CNTN5: variants seen among roughly 807,000 people sequenced by gnomAD.
CNTN5 encodes contactin 5.
In CNTN5, 77 loss-of-function variants were observed where a neutral mutation model predicts 129.1. That is an observed-to-expected ratio of 0.60 (90% CI 0.50 to 0.72). CNTN5 has a LOEUF of 0.72. CNTN5 is among the 30% of genes least tolerant of loss of function. The pLI is 0.00. For synonymous variants in CNTN5, 509 were observed against 465.6 expected (o/e 1.09, Z -1.20); for missense variants, 1,478 against 1,328.8 (o/e 1.11, Z -1.75).
chr11:99,192,585 G>A (rs1858699694), intron 1 of CNTN5, among the ~76,000 whole-genome samples: 1 of 151,668 alleles, frequency 6.6e-6, no homozygotes, highest in Admixed American at 6.6e-5. Context: ...ATTTCCTTTT[G>A]AAAATTTCAA....
chr11:99,487,439 A>C (rs999804994), intron 2 of CNTN5, among the ~76,000 whole-genome samples: 1 of 152,216 alleles, frequency 6.6e-6, no homozygotes, highest in Non-Finnish European at 1.5e-5. Flanking sequence ...GTCTGATGCC[A>C]AGATCTTATC....
intron 7 of CNTN5, among the ~76,000 whole-genome samples, chr11:99,925,353 C>A (rs1256814968): frequency 6.6e-6 from 1 of 152,174 alleles, no homozygotes; most frequent in Non-Finnish European, 1.5e-5. Context: ...TAGAAAATAG[C>A]TGAATTTATA....
chr11:99,700,131 ACCCAG>A (rs1954455172), intron 3 of CNTN5, among the ~76,000 whole-genome samples: 1 of 151,460 alleles, frequency 6.6e-6, no homozygotes, highest in African/African-American at 2.4e-5. Flanking sequence ...TGCCAAATTT[ACCCAG>A]AGAAAAACAC....
chr11:100,333,408 GA>G (rs547220238), intron 21 of CNTN5, among the ~76,000 whole-genome samples: 7,124 of 74,324 alleles, frequency 0.096, 134 homozygotes, highest in East Asian at 0.17. Context: ...CACTGAATTA[GA>G]AAAAAAAAAA....
At chr11:100,354,747 G>A (rs1243504509) in intron 24 of CNTN5, among the ~76,000 whole-genome samples, 1 of 151,576 alleles carries the variant, frequency 6.6e-6, no homozygotes, top group African/African-American at 2.4e-5. Context: ...ATAGCCTATT[G>A]CTCCTAGGCT....
intron 9 of CNTN5, among the ~76,000 whole-genome samples, chr11:100,059,402 T>A (rs1015950296): frequency 6.6e-6 from 1 of 152,054 alleles, no homozygotes; most frequent in Non-Finnish European, 1.5e-5. Flanking sequence ...CAAAAATGAT[T>A]ATAAAATTGT....
At chr11:100,086,892 T>G (rs1320022550) in intron 13 of CNTN5, among the ~76,000 whole-genome samples, 3 of 151,574 alleles carry the variant, frequency 2.0e-5, no homozygotes, top group African/African-American at 4.8e-5. Context: ...AAGGGAAAAT[T>G]TATCGCTCTA....
Position 100,045,117 on chromosome 11 carries a change from CT to C in CNTN5, c.981-16085del, listed in dbSNP as rs35836946. ...ACCCAAAGCCTTGTCTTCCATATTACTTTTTTTTTTCTATTCATTCTCGATT... is the reference window on the plus strand; with the variant it reads ...ACCCAAAGCCTTGTCTTCCATATTACTTTTTTTTTCTATTCATTCTCGATT... On this transcript the variant is annotated intron_variant, in intron 9 of 24. Coordinates refer to ENST00000524871, the MANE Select transcript of CNTN5 (RefSeq NM_014361.4). 2.5e-4 allele frequency among the ~76,000 whole-genome samples: 38 copies of C among 150,114 alleles called. No homozygotes were observed. In the East Asian group the frequency reaches 2.5e-3, roughly 10 times the overall value.
At chr11:99,927,328 G>A (rs1270246762) in intron 7 of CNTN5, among the ~76,000 whole-genome samples, 1 of 152,084 alleles carries the variant, frequency 6.6e-6, no homozygotes, top group Non-Finnish European at 1.5e-5. Flanking sequence ...AAAACACAGA[G>A]ATCCAGGTCT....
chr11:99,181,061 A>G (rs999165703), intron 1 of CNTN5, among the ~76,000 whole-genome samples: 2 of 152,226 alleles, frequency 1.3e-5, no homozygotes, highest in Admixed American at 1.3e-4. Context: ...TTGCTGAAGC[A>G]GGATTGTACC....
In CNTN5 at chr11:99,764,417, T is replaced by C. The variant is rs118160574; in HGVS notation, c.56-55127T>C. 1.7e-3 allele frequency among the ~76,000 whole-genome samples: 255 copies of C among 152,128 alleles called. 2 individuals carry two copies. The highest frequency in any genetic ancestry group is 6.8e-3 in the East Asian group (35 of 5,158). On this transcript the variant is annotated intron_variant, in intron 3 of 24. Coordinates refer to ENST00000524871, the MANE Select transcript of CNTN5 (RefSeq NM_014361.4). ...GAAATCAATTTTTTGTTGGTTTGTT[T>C]TTGTTTTTTGTTTTTGAGATGGAGT...
At chr11:99,219,519 A>C (rs1171701379) in intron 1 of CNTN5, among the ~76,000 whole-genome samples, 1 of 151,862 alleles carries the variant, frequency 6.6e-6, no homozygotes, top group Non-Finnish European at 1.5e-5. Context: ...CTTATTCTAC[A>C]AAACATAAGG....
intron 21 of CNTN5, among the ~76,000 whole-genome samples, chr11:100,316,941 A>ACAATACT (rs1271977803): frequency 2.6e-4 from 40 of 152,340 alleles, no homozygotes; most frequent in African/African-American, 9.4e-4. Context: ...GTCCCATTTT[A>ACAATACT]CAATACTCAC....
intron 17 of CNTN5, among the ~76,000 whole-genome samples, chr11:100,267,986 TG>T (rs1404925476): frequency 2.6e-5 from 4 of 152,180 alleles, no homozygotes; most frequent in African/African-American, 4.8e-5. Flanking sequence ...TGAAACTATT[TG>T]GGTGGTAAAA....
chr11:99,023,844 A>G (rs1565254192), intron 1 of CNTN5, among the ~76,000 whole-genome samples: 1 of 152,238 alleles, frequency 6.6e-6, no homozygotes, highest in South Asian at 2.1e-4. Flanking sequence ...TCATACATTC[A>G]TGTAGTTTGT....
At chr11:99,771,213 T>C (rs1166997468) in intron 3 of CNTN5, among the ~76,000 whole-genome samples, 1 of 151,968 alleles carries the variant, frequency 6.6e-6, no homozygotes. Flanking sequence ...AATCCAGCAA[T>C]CTTCTGTGTA....
intron 8 of CNTN5, among the ~76,000 whole-genome samples, chr11:99,989,637 G>T (rs904096918): frequency 2.6e-5 from 4 of 151,994 alleles, no homozygotes; most frequent in East Asian, 3.9e-4. Context: ...TAATTACAGA[G>T]AATTTTCTAT....
chr11:100,157,225 G>GA (rs572278594), intron 13 of CNTN5, among the ~76,000 whole-genome samples: 11 of 151,800 alleles, frequency 7.2e-5, no homozygotes, highest in South Asian at 6.2e-4. Flanking sequence ...TTGAAAGAGG[G>GA]AAAAAATCAC....
intron 1 of CNTN5, among the ~76,000 whole-genome samples, chr11:99,172,060 T>C (rs1861173616): frequency 6.6e-6 from 1 of 152,180 alleles, no homozygotes; most frequent in African/African-American, 2.4e-5. Context: ...CAAAAGGACA[T>C]TTAGAAACAG....
Sources: allele counts gnomAD v4.1 joint callset (sites outside exome capture counted in the v4.1 genomes callset), GRCh38; gene constraint gnomAD v4.1.1; transcripts MANE v1.5; gene names NCBI Gene and HGNC (gene_info 2026-07-23, HGNC 2026-07-21).